The following IGBP1C variants were observed in gnomAD, a reference collection of about 807,000 sequenced individuals.
IGBP1C encodes the protein IGBP1 family member C.
chr17:58,661,567 C>T, the IGBP1C span: 4 of 738,808 alleles, frequency 5.4e-6, no homozygotes, highest in South Asian at 2.9e-5. Flanking sequence ...GGAGCCGCGG[C>T]GGCGGCAGGA....
the IGBP1C span, among the ~76,000 whole-genome samples, chr17:58,677,205 T>C: frequency 6.6e-6 from 1 of 151,338 alleles, no homozygotes; most frequent in African/African-American, 2.4e-5. Context: ...AAGGACTGAG[T>C]CCAGGAGGTC....
chr17:58,667,075 G>A, the IGBP1C span, among the ~76,000 whole-genome samples: 1 of 152,154 alleles, frequency 6.6e-6, no homozygotes, highest in South Asian at 2.1e-4. Flanking sequence ...TACTTTTGGC[G>A]TAGCCTAAGG....
the IGBP1C span, among the ~76,000 whole-genome samples, chr17:58,689,228 A>G: frequency 1.4e-5 from 2 of 147,874 alleles, no homozygotes; most frequent in African/African-American, 5.0e-5. Flanking sequence ...CGCTCAGCTA[A>G]TTTATTTATT....
chr17:58,665,943 G>A, the IGBP1C span, among the ~76,000 whole-genome samples: 7 of 150,624 alleles, frequency 4.6e-5, no homozygotes, highest in African/African-American at 1.7e-4. Flanking sequence ...GCTCTACTCA[G>A]GAGGCTGAGG....
At chr17:58,665,601 A>G in the IGBP1C span, among the ~76,000 whole-genome samples, 1 of 151,716 alleles carries the variant, frequency 6.6e-6, no homozygotes, top group Non-Finnish European at 1.5e-5. Flanking sequence ...GTCTCATAAA[A>G]AACAAAAAAC....
the IGBP1C span, among the ~76,000 whole-genome samples, chr17:58,679,870 C>T: frequency 1.3e-5 from 2 of 152,148 alleles, no homozygotes; most frequent in African/African-American, 4.8e-5. Flanking sequence ...GAAATATAAG[C>T]CTAGGGTGCA....
the IGBP1C span, among the ~76,000 whole-genome samples, chr17:58,665,396 T>G: frequency 6.7e-6 from 1 of 150,076 alleles, no homozygotes; most frequent in Non-Finnish European, 1.5e-5. Flanking sequence ...AGGCCAGCAG[T>G]TGAAGATCAG....
At chr17:58,674,841 A>G in the IGBP1C span, among the ~76,000 whole-genome samples, 1 of 147,572 alleles carries the variant, frequency 6.8e-6, no homozygotes, top group East Asian at 2.0e-4. Flanking sequence ...GGCCTTTGGA[A>G]AAAAAAAAAA....
At chr17:58,679,519 G>C in the IGBP1C span, 1 of 152,152 alleles carries the variant, frequency 6.6e-6, no homozygotes, top group Non-Finnish European at 1.5e-5. Context: ...TTATAAACAA[G>C]CCAGATCAGG....
the IGBP1C span, among the ~76,000 whole-genome samples, chr17:58,682,548 A>G: frequency 1.3e-5 from 2 of 151,922 alleles, no homozygotes; most frequent in Non-Finnish European, 2.9e-5. Context: ...GTGAGCCACC[A>G]CGACCACTCC....
the IGBP1C span, chr17:58,661,347 C>G: frequency 1.1e-6 from 1 of 904,762 alleles, no homozygotes. Flanking sequence ...CCTTGAAACG[C>G]TGGCACCATC....
At chr17:58,665,749 GA>G in the IGBP1C span, among the ~76,000 whole-genome samples, 124 of 145,280 alleles carry the variant, frequency 8.5e-4, no homozygotes, top group Middle Eastern at 3.6e-3. Context: ...AAGAAACAAT[GA>G]AAAAAAAAAA....
the IGBP1C span, among the ~76,000 whole-genome samples, chr17:58,685,551 C>G: frequency 1.3e-5 from 2 of 151,500 alleles, no homozygotes; most frequent in Non-Finnish European, 2.9e-5. Context: ...AGGTCTAGCA[C>G]ACACAAGGAA....
At chr17:58,679,973 G>A in the IGBP1C span, among the ~76,000 whole-genome samples, 2 of 152,144 alleles carry the variant, frequency 1.3e-5, no homozygotes, top group East Asian at 1.9e-4. Flanking sequence ...TTGGTGACAC[G>A]ACTGAAATAA....
At chr17:58,691,952 G>T in the IGBP1C span, 7 of 152,760 alleles carry the variant, frequency 4.6e-5, no homozygotes, top group African/African-American at 1.7e-4. Flanking sequence ...TCCAGCTACT[G>T]CTTAAGCTAG....
the IGBP1C span, among the ~76,000 whole-genome samples, chr17:58,681,886 T>A: frequency 6.6e-6 from 1 of 151,682 alleles, no homozygotes; most frequent in East Asian, 1.9e-4. Context: ...AGAAATCTGG[T>A]GGAACAACTC....
At chr17:58,674,071 C>G in the IGBP1C span, among the ~76,000 whole-genome samples, 10 of 152,200 alleles carry the variant, frequency 6.6e-5, no homozygotes, top group Middle Eastern at 0.01. Flanking sequence ...ATCAGGAGTT[C>G]AAGACCAGTC....
chr17:58,668,273 C>T, the IGBP1C span, among the ~76,000 whole-genome samples: 2 of 152,212 alleles, frequency 1.3e-5, no homozygotes, highest in South Asian at 4.1e-4. Context: ...CTTTCTCCTC[C>T]ACTACAAGAC....
chr17:58,669,361 C>CAA, the IGBP1C span, among the ~76,000 whole-genome samples: 2 of 135,800 alleles, frequency 1.5e-5, no homozygotes, highest in Non-Finnish European at 1.6e-5. Flanking sequence ...CAAAAACAAA[C>CAA]AAAAAAAAAA....
Sources: gnomAD v4.1 joint callset for allele counts (sites outside exome capture counted in the v4.1 genomes callset) on GRCh38, gnomAD v4.1.1 for gene constraint, MANE v1.5 for transcripts, NCBI Gene and HGNC (gene_info 2026-07-23, HGNC 2026-07-21) for gene names.